The following TNPO2 variants were observed in gnomAD, a reference collection of about 807,000 sequenced individuals.
TNPO2 encodes transportin 2.
A neutral mutation model predicts 111.1 loss-of-function variants in TNPO2; 16 were observed. The observed-to-expected ratio is 0.14, with a 90% CI of 0.10 to 0.22. TNPO2 has a LOEUF of 0.22. Ranked by LOEUF, TNPO2 falls within the 10% of genes least tolerant of loss-of-function variation. The pLI is 1.00. For missense variants in TNPO2, 530 were observed against 1,173.7 expected, an observed-to-expected ratio of 0.45 and a Z score of 8.01; for synonymous variants, 481 against 475.8, an observed-to-expected ratio of 1.01 and a Z score of -0.14.
At chr19:12,707,483 T>C (rs2025760381) in intron 13 of TNPO2, among the ~76,000 whole-genome samples, 2 of 88,952 alleles carry the variant, frequency 2.2e-5, no homozygotes, top group Non-Finnish European at 4.2e-5. Flanking sequence ...AGTTTTCTTT[T>C]TTTTTTTTTT....
chr19:12,701,927 C>A lies in TNPO2; in HGVS notation c.2412-76G>T. 6.9e-7 allele frequency: 1 copy of A among 1,451,528 alleles called. No homozygotes were observed. The highest frequency in any genetic ancestry group is 1.1e-5 in the South Asian group (1 of 87,496). 89.9% of individuals were successfully genotyped at this position (1,451,528 alleles called of 1,614,324 possible). ...TGTGGAGGGCTGGGTCACTGGGGAT[C>A]AGTGAGTGGGCCTGGGACATGCATC... is the stretch of plus-strand genomic sequence containing the variant. On this transcript the variant is annotated intron_variant, in intron 22 of 25. Transcript: ENST00000425528. This position sits in a 1 kb window ranked among gnomAD's most constrained non-coding sequence, Gnocchi z 5.0.
chr19:12,721,119 A>C lies in TNPO2; in HGVS notation c.-13-129T>G. ...CTCGGCGGACAGGCGGAGGCCTCCGATCCACGCCCGCCCAAGTGCGGGGTC... is the reference window on the plus strand; with the variant it reads ...CTCGGCGGACAGGCGGAGGCCTCCGCTCCACGCCCGCCCAAGTGCGGGGTC... On this transcript the variant is annotated intron_variant, in intron 2 of 25. Coordinates refer to ENST00000425528, the MANE Select transcript of TNPO2 (RefSeq NM_001382241.1). The surrounding 1 kb of genome is among the most constrained non-coding windows in gnomAD (Gnocchi z 4.9). 6.6e-7 allele frequency: 1 copy of C among 1,505,110 alleles called. No individual in the cohort carries two copies. The highest frequency in any genetic ancestry group is 1.2e-5 in the South Asian group (1 of 80,840). The allele number at this position is 1,505,110 out of a possible 1,614,324, so 93.2% of individuals were successfully genotyped here.
Position 12,701,511 on chromosome 19 carries a change from TTCCCCCA to T in TNPO2, c.2587-65_2587-59del. ...GGGCAGAACAAGGGGAGTGCGCCTC[TTCCCCCA>T]TCCCCAGGCCCCATTGTTACCAGAT... On this transcript the variant is annotated intron_variant, in intron 24 of 25. Transcript: ENST00000425528. This position sits in a 1 kb window ranked among gnomAD's most constrained non-coding sequence, Gnocchi z 5.0. The T allele has an allele frequency of 3.8e-6, 6 of 1,592,270 alleles. No homozygotes were observed. The highest frequency in any genetic ancestry group is 5.2e-6 in the Non-Finnish European group (6 of 1,160,486).
chr19:12,720,306 AC>A (rs2026609931), intron 3 of TNPO2, among the ~76,000 whole-genome samples: 1 of 151,710 alleles, frequency 6.6e-6, no homozygotes. Flanking sequence ...GGCGTGAACC[AC>A]CGCGCCTGGC....
At position 12,721,179 on chromosome 19, in the gene TNPO2, C is replaced by G; in HGVS notation, c.-13-189G>C. 7.2e-7 allele frequency: 1 copy of G among 1,394,046 alleles called. No individual in the cohort carries two copies. The highest frequency in any genetic ancestry group is 9.2e-7 in the Non-Finnish European group (1 of 1,081,672). The allele number at this position is 1,394,046 out of a possible 1,614,324, so 86.4% of individuals were successfully genotyped here. On this transcript the variant is annotated intron_variant, in intron 2 of 25. Coordinates refer to ENST00000425528, the MANE Select transcript of TNPO2 (RefSeq NM_001382241.1). This position sits in a 1 kb window ranked among gnomAD's most constrained non-coding sequence, Gnocchi z 4.9. Reference sequence around the variant, plus strand: ...TGCGCCATCCTCGGCCGCGCAGTCGCGGGCTCGGGAGCGCGGGAGGGGGGA... The same window carrying G: ...TGCGCCATCCTCGGCCGCGCAGTCGGGGGCTCGGGAGCGCGGGAGGGGGGA...
chr19:12,702,948 C>A lies in TNPO2; in HGVS notation c.2210-30G>T. The A allele has an allele frequency of 6.2e-7, 1 of 1,603,460 alleles. No individual in the cohort carries two copies. ...GGGAGCACCCAGTCAGAGCCCTGCA[C>A]AGCCCCCGCCACCCACAGGGGCCAG... On this transcript the variant is annotated intron_variant, in intron 20 of 25. Transcript: ENST00000425528. The surrounding 1 kb of genome is among the most constrained non-coding windows in gnomAD (Gnocchi z 5.5).
Position 12,710,742 on chromosome 19 carries a change from G to C in TNPO2, c.1149C>G (p.Leu383=), listed in dbSNP as rs751685033. ...RKCSAAALDV[L]ANVFREELLP... is the part of the protein sequence containing the mutation. ...GCAGTTCCTCCCGGAAGACATTGGC[G>C]AGGACGTCCAGTGCAGCCGCTGAGC... The change falls in exon 13 of 26, where the codon CTC becomes CTG. Residue 383 remains leucine (L), a synonymous_variant. Coordinates refer to ENST00000425528, the MANE Select transcript of TNPO2 (RefSeq NM_001382241.1). 3.1e-6 allele frequency: 5 copies of C among 1,613,126 alleles called. No homozygotes were observed. Among genetic ancestry groups the C allele is most frequent in the Admixed American group, 1.7e-5 (1 of 59,918 alleles).
Position 12,702,549 on chromosome 19 carries a change from G to A in TNPO2, c.2305+274C>T, listed in dbSNP as rs1297049866. The A allele has an allele frequency of 3.9e-6, 2 of 518,398 alleles. No individual in the cohort carries two copies. Among genetic ancestry groups the A allele is most frequent in the East Asian group, 7.2e-5 (2 of 27,664 alleles). The allele number at this position is 518,398 out of a possible 1,614,324, so 32.1% of individuals were successfully genotyped here. ...CCCCGGCTAATTTTTGTATTTTTTAGTAGAGATGGGGTTTCACCATGTTGG... is the reference window on the plus strand; with the variant it reads ...CCCCGGCTAATTTTTGTATTTTTTAATAGAGATGGGGTTTCACCATGTTGG... On this transcript the variant is annotated intron_variant, in intron 21 of 25. Coordinates refer to ENST00000425528, the MANE Select transcript of TNPO2 (RefSeq NM_001382241.1). The surrounding 1 kb of genome is among the most constrained non-coding windows in gnomAD (Gnocchi z 5.5).
chr19:12,719,370 G>C lies in TNPO2; in HGVS notation c.100-34C>G. 6.3e-7 allele frequency: 1 copy of C among 1,594,548 alleles called. No individual in the cohort carries two copies. The highest frequency in any genetic ancestry group is 8.6e-7 in the Non-Finnish European group (1 of 1,163,058). On this transcript the variant is annotated intron_variant, in intron 3 of 25. Transcript: ENST00000425528. This position sits in a 1 kb window ranked among gnomAD's most constrained non-coding sequence, Gnocchi z 5.0. ...CTGTTAAGGGACTTGGAAGACAGAG[G>C]CCTTCCCCCAGCCAGGTCCCCTCAT...
intron 20 of TNPO2, 70 bp downstream of exon 20, chr19:12,703,357 AG>A: frequency 2.1e-6 from 3 of 1,432,362 alleles, no homozygotes; most frequent in Non-Finnish European, 2.9e-6. Flanking sequence ...TGTCAGTCAG[AG>A]CTAGGCTCCC....
In TNPO2 at chr19:12,705,652, G is replaced by C. The variant is rs1405730238; in HGVS notation, c.1755+30C>G. The C allele has an allele frequency of 6.4e-7, 1 of 1,562,108 alleles. No homozygotes were observed. Among genetic ancestry groups the C allele is most frequent in the Non-Finnish European group, 8.7e-7 (1 of 1,150,892 alleles). ...AACTCAGGCAGGGTGGGCAGGATGG[G>C]TTTCGGGTGAGGGGCAGGAGCCCAC... On this transcript the variant is annotated intron_variant, in intron 16 of 25. Transcript: ENST00000425528. This position sits in a 1 kb window ranked among gnomAD's most constrained non-coding sequence, Gnocchi z 7.2.
intron 13 of TNPO2, among the ~76,000 whole-genome samples, chr19:12,707,396 T>C (rs1452879660): frequency 3.3e-5 from 5 of 151,326 alleles, no homozygotes. Flanking sequence ...ACATAGTGAG[T>C]GGGGTTTTAT....
At chr19:12,713,831 C>T (rs1460533039) in intron 10 of TNPO2, among the ~76,000 whole-genome samples, 1 of 152,086 alleles carries the variant, frequency 6.6e-6, no homozygotes, top group Non-Finnish European at 1.5e-5. Context: ...GATCCGAGAC[C>T]AGCCAGAGCA....
At position 12,703,740 on chromosome 19, in the gene TNPO2, C is replaced by G; in HGVS notation, c.2084G>C (p.Cys695Ser). 1.2e-6 allele frequency: 2 copies of G among 1,608,112 alleles called. No individual in the cohort carries two copies. The highest frequency in any genetic ancestry group is 1.7e-6 in the Non-Finnish European group (2 of 1,177,294). The change falls in exon 19 of 26, where the codon TGC (cysteine) becomes TCC (serine). Residue 695 changes from cysteine (C) to serine (S), a missense_variant. By Grantham distance (112) the Cys-to-Ser change is moderately radical (BLOSUM62 -1). This residue lies in a region of TNPO2 where 183 missense variants were observed against 481.0 expected (regional missense o/e 0.38). Coordinates refer to ENST00000425528, the MANE Select transcript of TNPO2 (RefSeq NM_001382241.1). Reference protein sequence around the residue: ...FALLGDLTKACFIHVKPCIAE... With the variant: ...FALLGDLTKASFIHVKPCIAE... ...GATACAGGGCTTGACATGGATGAAG[C>G]AGGCTTTGGTGAGGTCTCCCAGGAG...
chr19:12,719,018 G>T lies in TNPO2; in HGVS notation c.325+11C>A. 6.2e-7 allele frequency: 1 copy of T among 1,613,070 alleles called. No homozygotes were observed. The highest frequency in any genetic ancestry group is 1.1e-5 in the South Asian group (1 of 91,030). On this transcript the variant is annotated intron_variant, in intron 5 of 25. Coordinates refer to ENST00000425528, the MANE Select transcript of TNPO2 (RefSeq NM_001382241.1). This position sits in a 1 kb window ranked among gnomAD's most constrained non-coding sequence, Gnocchi z 5.0. ...GTGTCCTCAGAGGCCAACCCCCGCT[G>T]CCCCTCTCACCAATGGTGGCTCGGA...
At chr19:12,707,382 C>T (rs1383989223) in intron 13 of TNPO2, among the ~76,000 whole-genome samples, 10 of 151,622 alleles carry the variant, frequency 6.6e-5, no homozygotes, top group East Asian at 1.9e-4. Context: ...AAATTGGCTC[C>T]GTTACATAGT....
Position 12,701,487 on chromosome 19 carries a change from G to A in TNPO2, c.2587-34C>T. On this transcript the variant is annotated intron_variant, in intron 24 of 25. Coordinates refer to ENST00000425528, the MANE Select transcript of TNPO2 (RefSeq NM_001382241.1). This position sits in a 1 kb window ranked among gnomAD's most constrained non-coding sequence, Gnocchi z 5.0. ...AGGGTGGTGGTGAGGGGTAGGCAGG[G>A]GCAGAACAAGGGGAGTGCGCCTCTT... 6.2e-7 allele frequency: 1 copy of A among 1,602,728 alleles called. No individual in the cohort carries two copies. The highest frequency in any genetic ancestry group is 8.5e-7 in the Non-Finnish European group (1 of 1,169,818).
chr19:12,710,831 C>T, intron 12 of TNPO2, 58 bp from the exon 13 acceptor site: 3 of 1,482,134 alleles, frequency 2.0e-6, no homozygotes, highest in Non-Finnish European at 2.7e-6. Flanking sequence ...GGTGGCCGAC[C>T]CTCCTTGACT....
chr19:12,705,178 C>T lies in TNPO2; in HGVS notation c.2022+62G>A, dbSNP rs2025565314. 3.3e-6 allele frequency: 5 copies of T among 1,524,460 alleles called. No homozygotes were observed. The highest frequency in any genetic ancestry group is 4.5e-6 in the Non-Finnish European group (5 of 1,123,418). The allele number at this position is 1,524,460 out of a possible 1,614,324, so 94.4% of individuals were successfully genotyped here. On this transcript the variant is annotated intron_variant, in intron 18 of 25. Coordinates refer to ENST00000425528, the MANE Select transcript of TNPO2 (RefSeq NM_001382241.1). This position sits in a 1 kb window ranked among gnomAD's most constrained non-coding sequence, Gnocchi z 7.2. ...CTTTGGGCACAACCAGGCCCTGACT[C>T]CCCACCAGGGGCAGCCCACGCAGGC... is the stretch of plus-strand genomic sequence containing the variant.
Sources: gnomAD v4.1 joint callset for allele counts (sites outside exome capture counted in the v4.1 genomes callset) on GRCh38, gnomAD v4.1.1 for gene constraint, gnomAD v4.1.1 regional missense constraint, Gnocchi (gnomAD v3.1) non-coding constraint, MANE v1.5 for transcripts, NCBI Gene and HGNC (gene_info 2026-07-23, HGNC 2026-07-21) for gene names.